The following COG6 variants were observed in gnomAD, a reference collection of about 807,000 sequenced individuals.
The protein encoded by COG6 is conserved oligomeric Golgi complex subunit 6.
COG6 carries 74 observed loss-of-function variants against 88.8 expected under a neutral mutation model. The ratio of observed to expected loss-of-function variants is 0.83; its 90% confidence interval spans 0.69 to 1.01. COG6 has a LOEUF of 1.01. Ranked by LOEUF, COG6 falls within the 50% of genes least tolerant of loss-of-function variation. The pLI is 0.00. For synonymous variants in COG6, 286 were observed against 278.7 expected, an observed-to-expected ratio of 1.03 and a Z score of -0.26; for missense variants, 800 against 797.9, an observed-to-expected ratio of 1.00 and a Z score of -0.03.
At chr13:39,777,519 G>C (rs781603733) in intron 18 of COG6, among the ~76,000 whole-genome samples, 1 of 152,166 alleles carries the variant, frequency 6.6e-6, no homozygotes, top group African/African-American at 2.4e-5. Context: ...AAACCGGCCA[G>C]GTTTGTATTA....
intron 18 of COG6, among the ~76,000 whole-genome samples, chr13:39,730,740 C>G (rs1360657515): frequency 3.1e-5 from 4 of 127,356 alleles, no homozygotes; most frequent in African/African-American, 1.2e-4. Context: ...CACCACTGCC[C>G]TCCAGCCTGG....
chr13:39,673,629 A>G (rs1027022755), intron 4 of COG6, among the ~76,000 whole-genome samples: 1 of 152,012 alleles, frequency 6.6e-6, no homozygotes, highest in South Asian at 2.1e-4. Flanking sequence ...TGAATTAGGT[A>G]AAAGGAATCT....
intron 4 of COG6, among the ~76,000 whole-genome samples, chr13:39,669,511 A>T (rs926829552): frequency 1.3e-5 from 2 of 152,254 alleles, no homozygotes; most frequent in African/African-American, 4.8e-5. Context: ...CTCCTTGAGA[A>T]AAATGACAAT....
intron 4 of COG6, among the ~76,000 whole-genome samples, chr13:39,672,215 A>G (rs1319881455): frequency 6.6e-6 from 1 of 152,044 alleles, no homozygotes; most frequent in East Asian, 1.9e-4. Flanking sequence ...TATTTTGTAC[A>G]GTTATAATAA....
chr13:39,689,960 T>G (rs1178213869), intron 11 of COG6, 136 bp downstream of exon 11: 2 of 520,818 alleles, frequency 3.8e-6, no homozygotes, highest in African/African-American at 3.8e-5. Context: ...TGTAGACTAA[T>G]AAGAAACATT....
chr13:39,768,086 T>C (rs1392840019), intron 18 of COG6, among the ~76,000 whole-genome samples: 1 of 151,134 alleles, frequency 6.6e-6, no homozygotes, highest in Non-Finnish European at 1.5e-5. Context: ...TCACATTCAT[T>C]TATGTAACTT....
chr13:39,659,164 A>G (rs1874726684), intron 1 of COG6, among the ~76,000 whole-genome samples, 200 bp from the exon 2 acceptor site: 2 of 152,186 alleles, frequency 1.3e-5, no homozygotes, highest in South Asian at 2.1e-4. Context: ...TCTTGTATAT[A>G]TAACACTATA....
intron 11 of COG6, among the ~76,000 whole-genome samples, chr13:39,692,126 T>C (rs1464060520): frequency 6.6e-6 from 1 of 152,050 alleles, no homozygotes; most frequent in African/African-American, 2.4e-5. Context: ...AGATAAGATC[T>C]GTAAACCTAT....
rs76811478 is a variant in COG6 at position 39,661,048 on chromosome 13, A to G, written c.369+167A>G. On this transcript the variant is annotated intron_variant, in intron 3 of 18. Transcript: ENST00000455146. ...AGCTATCTTTGTGTTTCTTTGGATA[A>G]TGATTTATTAATATTGTTCAATTAA... Among the ~76,000 whole-genome samples, 9,016 of 152,224 alleles carry G rather than the reference A, an allele frequency of 0.059. 383 individuals carry two copies. Among genetic ancestry groups the G allele is most frequent in the Non-Finnish European group, 0.095 (6,426 of 67,992 alleles).
At chr13:39,754,141 A>T (rs1379716835), downstream of COG6, among the ~76,000 whole-genome samples, 1 of 151,970 alleles carries the variant, frequency 6.6e-6, no homozygotes. Flanking sequence ...CCCCCTTTTG[A>T]CCTTCTTCCC....
chr13:39,696,418 ATG>A (rs1341696356), intron 12 of COG6, among the ~76,000 whole-genome samples: 2 of 151,854 alleles, frequency 1.3e-5, no homozygotes, highest in Admixed American at 1.3e-4. Flanking sequence ...GAGAAGATAT[ATG>A]TGTGTGTGAC....
intron 13 of COG6, among the ~76,000 whole-genome samples, chr13:39,716,816 A>G (rs1479334219): frequency 6.6e-6 from 1 of 152,158 alleles, no homozygotes; most frequent in Non-Finnish European, 1.5e-5. Context: ...GTTAAATCTT[A>G]TTACATTGTA....
intron 18 of COG6, among the ~76,000 whole-genome samples, chr13:39,738,445 G>T (rs1258267788): frequency 6.6e-6 from 1 of 152,036 alleles, no homozygotes; most frequent in African/African-American, 2.4e-5. Flanking sequence ...AGAACAAATA[G>T]AATTTTTAAA....
At chr13:39,772,872 G>T (rs1881359017) in intron 18 of COG6, among the ~76,000 whole-genome samples, 2 of 152,206 alleles carry the variant, frequency 1.3e-5, no homozygotes, top group Non-Finnish European at 2.9e-5. Context: ...CAAAGCAGTT[G>T]CTAGCTGGTG....
intron 4 of COG6, among the ~76,000 whole-genome samples, chr13:39,676,657 A>G (rs1319551639): frequency 6.6e-6 from 1 of 152,130 alleles, no homozygotes; most frequent in East Asian, 1.9e-4. Flanking sequence ...ATCTTTGTTC[A>G]TTCTTATTTG....
chr13:39,733,595 G>GTT (rs796265357), intron 18 of COG6, among the ~76,000 whole-genome samples: 6 of 145,174 alleles, frequency 4.1e-5, no homozygotes, highest in African/African-American at 1.3e-4. Context: ...TTGTTGTACT[G>GTT]TTTTTTTTTT....
chr13:39,758,703 T>C (rs1035717917), intron 18 of COG6, among the ~76,000 whole-genome samples: 1 of 152,194 alleles, frequency 6.6e-6, no homozygotes, highest in African/African-American at 2.4e-5. Context: ...AGTTATGATA[T>C]GACCTAGCAA....
chr13:39,682,821 T>C (rs984494401), intron 8 of COG6, among the ~76,000 whole-genome samples: 4 of 151,986 alleles, frequency 2.6e-5, no homozygotes, highest in African/African-American at 9.7e-5. Context: ...ATTTTAATTT[T>C]ATTCTTTTAA....
At chr13:39,790,209 A>C (rs1881899244) in exon 19 of COG6, 1 of 152,158 alleles carries the variant, frequency 6.6e-6, no homozygotes, top group South Asian at 2.1e-4. Flanking sequence ...GAGTGGTACA[A>C]ACTTGAACAA....
Sources: gnomAD v4.1 joint callset for allele counts (sites outside exome capture counted in the v4.1 genomes callset) on GRCh38, gnomAD v4.1.1 for gene constraint, MANE v1.5 for transcripts, NCBI Gene and HGNC (gene_info 2026-07-23, HGNC 2026-07-21) for gene names.